The following SUGCT variants were observed in gnomAD, a reference collection of about 807,000 sequenced individuals.
The protein encoded by SUGCT is succinyl-CoA:glutarate-CoA transferase, also known as succinyl-CoA:glutarate CoA-transferase.
In SUGCT, 41 loss-of-function variants were observed where a neutral mutation model predicts 55.0. The observed-to-expected ratio is 0.74, with a 90% CI of 0.58 to 0.97. The LOEUF (loss-of-function observed/expected upper bound fraction) is 0.97, where lower values mean the gene tolerates loss of function less well. Ranked by LOEUF, SUGCT falls within the 50% of genes least tolerant of loss-of-function variation. SUGCT has a pLI of 0.00. For synonymous variants in SUGCT, 187 were observed against 200.4 expected (o/e 0.93, Z 0.56); for missense variants, 568 against 547.8 (o/e 1.04, Z -0.37).
At position 40,297,536 on chromosome 7, in the gene SUGCT, T is replaced by G. The variant is rs535625451; in HGVS notation, c.721-19224T>G. Among the ~76,000 whole-genome samples, 8 of 152,244 alleles carry G rather than the reference T, an allele frequency of 5.3e-5. No individual in the cohort carries two copies. The East Asian group carries it at 1.5e-3, about 29-fold the overall frequency. The stretch of plus-strand genomic sequence containing the variant: ...GTAGTGAGCTGTGATGCAAATCTGA[T>G]CATTTTGAGGAAAAGTACTCCAGTG... On this transcript the variant is annotated intron_variant, in intron 8 of 13. Coordinates refer to ENST00000335693, the MANE Select transcript of SUGCT (RefSeq NM_001193313.2).
chr7:40,649,568 C>T (rs1271359910), intron 12 of SUGCT, among the ~76,000 whole-genome samples: 1 of 152,112 alleles, frequency 6.6e-6, no homozygotes, highest in Non-Finnish European at 1.5e-5. Context: ...ATTCTATCTT[C>T]TATTTTCAGA....
At chr7:40,894,025 G>GC in the SUGCT span, among the ~76,000 whole-genome samples, 2 of 148,240 alleles carry the variant, frequency 1.3e-5, no homozygotes, top group Non-Finnish European at 3.0e-5. Context: ...CTGCACTCCA[G>GC]CCTGGGCAAC....
At chr7:40,378,556 C>G (rs1434383709) in intron 9 of SUGCT, among the ~76,000 whole-genome samples, 1 of 152,066 alleles carries the variant, frequency 6.6e-6, no homozygotes, top group Non-Finnish European at 1.5e-5. Flanking sequence ...CACTGCAATC[C>G]CTGCCTCCCA....
At chr7:40,686,444 A>C (rs1455501115) in intron 12 of SUGCT, among the ~76,000 whole-genome samples, 1 of 152,230 alleles carries the variant, frequency 6.6e-6, no homozygotes, top group Non-Finnish European at 1.5e-5. Flanking sequence ...ATTTGCATAA[A>C]AATTAAAATA....
At chr7:40,740,847 T>G (rs1787424026) in intron 12 of SUGCT, among the ~76,000 whole-genome samples, 2 of 152,144 alleles carry the variant, frequency 1.3e-5, no homozygotes, top group South Asian at 4.1e-4. Context: ...AAAATTTCAG[T>G]AAGTTTGAAA....
chr7:40,784,201 C>T (rs1447104176), intron 13 of SUGCT, among the ~76,000 whole-genome samples: 2 of 151,972 alleles, frequency 1.3e-5, no homozygotes, highest in Admixed American at 1.3e-4. Context: ...TAGTTTGGAG[C>T]CATTTTGTGT....
At chr7:40,262,629 C>T (rs1791300976) in intron 7 of SUGCT, among the ~76,000 whole-genome samples, 1 of 151,846 alleles carries the variant, frequency 6.6e-6, no homozygotes. Context: ...CGTACCACTG[C>T]ACTCCAGCCT....
chr7:40,283,206 G>A (rs1012698024), intron 8 of SUGCT, among the ~76,000 whole-genome samples: 5 of 151,564 alleles, frequency 3.3e-5, no homozygotes, highest in Non-Finnish European at 5.9e-5. Context: ...TTGGGCAAAC[G>A]ACCTGAATAG....
intron 9 of SUGCT, among the ~76,000 whole-genome samples, chr7:40,399,052 G>T (rs1785917864): frequency 6.6e-6 from 1 of 152,106 alleles, no homozygotes. Context: ...GAATCTAGAA[G>T]GAGTATAATA....
At chr7:40,545,855 G>T (rs948545547) in intron 12 of SUGCT, among the ~76,000 whole-genome samples, 3 of 152,186 alleles carry the variant, frequency 2.0e-5, no homozygotes, top group Non-Finnish European at 4.4e-5. Flanking sequence ...TGGGGATGAA[G>T]ATGGCATTAA....
Position 40,435,516 on chromosome 7 carries a change from G to A in SUGCT, c.817-13771G>A, listed in dbSNP as rs192972245. Among the ~76,000 whole-genome samples, 3 of 152,254 alleles carry A rather than the reference G, an allele frequency of 2.0e-5. No individual in the cohort carries two copies. In the East Asian group the frequency reaches 5.8e-4, roughly 29 times the overall value. On this transcript the variant is annotated intron_variant, in intron 9 of 13. Coordinates refer to ENST00000335693, the MANE Select transcript of SUGCT (RefSeq NM_001193313.2). ...ACACATTGACATTGATTTAAAAAGT[G>A]TATTGGGTTCTAATATCCCAGATAC...
At chr7:40,549,591 C>G (rs980427871) in intron 12 of SUGCT, among the ~76,000 whole-genome samples, 1 of 151,630 alleles carries the variant, frequency 6.6e-6, no homozygotes, top group African/African-American at 2.4e-5. Context: ...ATAATGTGGT[C>G]GGAACATAAG....
chr7:40,563,622 G>A (rs1311198812), intron 12 of SUGCT, among the ~76,000 whole-genome samples: 1 of 151,902 alleles, frequency 6.6e-6, no homozygotes, highest in Non-Finnish European at 1.5e-5. Flanking sequence ...GCCGAGGTGG[G>A]AGGATCACTT....
chr7:40,869,735 TTA>T, the SUGCT span, among the ~76,000 whole-genome samples: 1 of 152,214 alleles, frequency 6.6e-6, no homozygotes, highest in Non-Finnish European at 1.5e-5. Flanking sequence ...TCATTTTTTC[TTA>T]GTCTCCTCCA....
chr7:40,493,554 T>C (rs771753698), intron 11 of SUGCT, among the ~76,000 whole-genome samples: 1 of 152,226 alleles, frequency 6.6e-6, no homozygotes, highest in Non-Finnish European at 1.5e-5. Flanking sequence ...ATAATACTCA[T>C]TCCCAGTATT....
At chr7:40,446,881 G>A (rs149061786) in intron 9 of SUGCT, among the ~76,000 whole-genome samples, 29 of 152,310 alleles carry the variant, frequency 1.9e-4, no homozygotes, top group East Asian at 3.9e-4. Context: ...CTAGCCACAC[G>A]TGGCTATTGA....
intron 12 of SUGCT, among the ~76,000 whole-genome samples, chr7:40,582,269 C>T (rs938226382): frequency 5.9e-5 from 9 of 152,056 alleles, no homozygotes; most frequent in Admixed American, 1.3e-4. Context: ...ACTTGCAGTA[C>T]GGTGAAGTGC....
downstream of SUGCT, among the ~76,000 whole-genome samples, chr7:40,862,819 T>C (rs187739122): frequency 8.3e-4 from 127 of 152,240 alleles, 2 homozygotes; most frequent in Non-Finnish European, 3.7e-4. Flanking sequence ...CAGTCTGATA[T>C]GCTGAATGCT....
the SUGCT span, among the ~76,000 whole-genome samples, chr7:40,944,893 GA>G: frequency 1.3e-5 from 2 of 152,178 alleles, no homozygotes; most frequent in African/African-American, 4.8e-5. Context: ...GACTCTGTAT[GA>G]GTTCCTTTGT....
Sources: allele counts gnomAD v4.1 joint callset (sites outside exome capture counted in the v4.1 genomes callset), GRCh38; gene constraint gnomAD v4.1.1; transcripts MANE v1.5; gene names NCBI Gene and HGNC (gene_info 2026-07-23, HGNC 2026-07-21).